CFAP299: variants seen among roughly 807,000 people sequenced by gnomAD.
CFAP299 encodes cilia and flagella associated protein 299, also known as cilia- and flagella-associated protein 299.
Under a neutral mutation model 27.0 loss-of-function variants are expected in CFAP299, and 21 were observed. The ratio of observed to expected loss-of-function variants is 0.78; its 90% CI spans 0.55 to 1.12. The LOEUF is 1.12. Ranked by LOEUF, CFAP299 falls within the 50% of genes most tolerant of loss-of-function variation. The probability of loss-of-function intolerance (pLI) is 0.00; values close to 1 mark genes in which losing one functional copy is unlikely to be tolerated. For missense variants in CFAP299, 310 were observed against 276.6 expected (o/e 1.12, Z -0.86); for synonymous variants, 104 against 98.1 (o/e 1.06, Z -0.36).
chr4:80,853,563 CAT>C (rs1375045094), intron 3 of CFAP299, among the ~76,000 whole-genome samples: 1 of 152,010 alleles, frequency 6.6e-6, no homozygotes, highest in African/African-American at 2.4e-5. Flanking sequence ...TGGCAGAAAA[CAT>C]ATCATACAAA....
At chr4:80,839,102 A>T (rs923804) in intron 3 of CFAP299, among the ~76,000 whole-genome samples, 1,580 of 152,248 alleles carry the variant, frequency 0.01, 25 homozygotes, top group African/African-American at 0.035. Context: ...TTTTATGTGA[A>T]TTAAAGGTTT....
intron 3 of CFAP299, among the ~76,000 whole-genome samples, chr4:80,771,960 C>T (rs892640912): frequency 1.1e-4 from 17 of 152,168 alleles, no homozygotes; most frequent in South Asian, 4.2e-4. Flanking sequence ...ATTGTTATAG[C>T]GAAAAGGAAA....
At chr4:80,728,287 A>G (rs1162683441) in intron 3 of CFAP299, among the ~76,000 whole-genome samples, 2 of 152,218 alleles carry the variant, frequency 1.3e-5, no homozygotes, top group East Asian at 3.9e-4. Context: ...TATCCACAAA[A>G]CTTTGGTTTA....
At position 80,772,720 on chromosome 4, in the gene CFAP299, C is replaced by T. The variant is rs1457692982; in HGVS notation, c.334-97273C>T. Among the ~76,000 whole-genome samples, 9 of 151,926 alleles carry T rather than the reference C, an allele frequency of 5.9e-5. No individual in the cohort carries two copies. The East Asian group carries it at 7.7e-4, about 13-fold the overall frequency. On this transcript the variant is annotated intron_variant, in intron 3 of 5. Transcript: ENST00000358105. ...TAATGCTTTCCCTCCTCTTGCCCTC[C>T]GCCTCCCAAAAGGCCCCGGAGTGTG...
intron 3 of CFAP299, among the ~76,000 whole-genome samples, chr4:80,702,038 G>A (rs925738604): frequency 3.3e-5 from 5 of 151,836 alleles, no homozygotes; most frequent in African/African-American, 1.2e-4. Flanking sequence ...TAGACACTCT[G>A]CCAGAACATA....
At chr4:80,457,635 C>T (rs1300064320) in intron 2 of CFAP299, among the ~76,000 whole-genome samples, 1 of 152,172 alleles carries the variant, frequency 6.6e-6, no homozygotes, top group Admixed American at 6.5e-5. Context: ...CCTGAGCCAA[C>T]ACTATTTTGC....
chr4:80,772,833 A>G (rs1031349308), intron 3 of CFAP299, among the ~76,000 whole-genome samples: 67 of 152,222 alleles, frequency 4.4e-4, no homozygotes, highest in African/African-American at 1.6e-3. Flanking sequence ...CAAAAATACC[A>G]TTTGACCAAG....
intron 1 of CFAP299, among the ~76,000 whole-genome samples, chr4:80,351,294 T>C (rs1723004203): frequency 6.6e-6 from 1 of 152,174 alleles, no homozygotes; most frequent in Non-Finnish European, 1.5e-5. Flanking sequence ...AATAATGACA[T>C]TGCATTTTGT....
chr4:80,764,201 C>G (rs992507172), intron 3 of CFAP299, among the ~76,000 whole-genome samples: 1 of 151,522 alleles, frequency 6.6e-6, no homozygotes, highest in Admixed American at 6.6e-5. Flanking sequence ...ATAATCTATC[C>G]ATCTGACAAA....
At chr4:80,380,340 G>T (rs1193467740) in intron 2 of CFAP299, among the ~76,000 whole-genome samples, 1 of 150,682 alleles carries the variant, frequency 6.6e-6, no homozygotes, top group Non-Finnish European at 1.5e-5. Context: ...CAGCTCGCTA[G>T]TGATTAATTA....
At position 80,390,554 on chromosome 4, in the gene CFAP299, T is replaced by TATATATGTATATATGTATACACAC. The variant is rs1203189620; in HGVS notation, c.242+27690_242+27713dup. Reference sequence around the variant, plus strand: ...GTATATATGTATACACACATATATGTATATATGTATATATGTATACACACA... The same window carrying TATATATGTATATATGTATACACAC: ...GTATATATGTATACACACATATATGTATATATGTATATATGTATACACACATATATGTATATATGTATACACACA... On this transcript the variant is annotated intron_variant, in intron 2 of 5. Coordinates refer to ENST00000358105, the MANE Select transcript of CFAP299 (RefSeq NM_152770.3). Among the ~76,000 whole-genome samples, 4 of 133,470 alleles carry TATATATGTATATATGTATACACAC rather than the reference T, an allele frequency of 3.0e-5. 1 individual carries two copies. The highest frequency in any genetic ancestry group is 1.2e-4 in the African/African-American group (4 of 33,896). 87.6% of individuals were successfully genotyped at this position (133,470 alleles called of 152,430 possible).
intron 3 of CFAP299, among the ~76,000 whole-genome samples, chr4:80,638,215 C>T (rs879748021): frequency 6.6e-6 from 1 of 152,174 alleles, no homozygotes; most frequent in Non-Finnish European, 1.5e-5. Flanking sequence ...GCCCTTTTCA[C>T]AGTGCCATCC....
chr4:80,813,433 A>G (rs1420410543), intron 3 of CFAP299, among the ~76,000 whole-genome samples: 1 of 152,004 alleles, frequency 6.6e-6, no homozygotes, highest in Non-Finnish European at 1.5e-5. Context: ...CATTTTTTGT[A>G]AAAATCAGGA....
chr4:80,412,066 T>G (rs1194481021), intron 2 of CFAP299, among the ~76,000 whole-genome samples: 2 of 152,084 alleles, frequency 1.3e-5, no homozygotes, highest in East Asian at 3.9e-4. Context: ...CACAGAGAGG[T>G]TAAGTACCTT....
At chr4:80,381,065 T>C (rs1300016459) in intron 2 of CFAP299, among the ~76,000 whole-genome samples, 1 of 152,204 alleles carries the variant, frequency 6.6e-6, no homozygotes, top group East Asian at 1.9e-4. Context: ...CACACACTTT[T>C]ATGTCTTCTA....
At chr4:80,639,568 T>G (rs1577963843) in intron 3 of CFAP299, 1 of 152,298 alleles carries the variant, frequency 6.6e-6, no homozygotes. Flanking sequence ...GTTGTGTGAT[T>G]CCACTTATAT....
chr4:80,806,795 G>T (rs1455144410), intron 3 of CFAP299, among the ~76,000 whole-genome samples: 2 of 152,148 alleles, frequency 1.3e-5, no homozygotes, highest in African/African-American at 4.8e-5. Flanking sequence ...CACAGTATCT[G>T]TTTATTCACA....
chr4:80,382,164 T>A (rs951726461), intron 2 of CFAP299, among the ~76,000 whole-genome samples: 3 of 152,132 alleles, frequency 2.0e-5, no homozygotes, highest in Non-Finnish European at 2.9e-5. Context: ...CACCTCAAGA[T>A]GGATTAAAGG....
At chr4:80,611,817 T>C (rs1737997226) in intron 3 of CFAP299, among the ~76,000 whole-genome samples, 1 of 152,058 alleles carries the variant, frequency 6.6e-6, no homozygotes, top group Admixed American at 6.6e-5. Flanking sequence ...TCACTCACTA[T>C]TGTAGGTCTT....
Sources: allele counts gnomAD v4.1 joint callset (sites outside exome capture counted in the v4.1 genomes callset), GRCh38; gene constraint gnomAD v4.1.1; transcripts MANE v1.5; gene names NCBI Gene and HGNC (gene_info 2026-07-23, HGNC 2026-07-21).